PCDHA2: variants seen among roughly 807,000 people sequenced by gnomAD.
PCDHA2 encodes the protein protocadherin alpha-2.
Under a neutral mutation model 66.0 loss-of-function variants are expected in PCDHA2, and 58 were observed. The observed-to-expected ratio is 0.88, with a 90% CI of 0.71 to 1.09. The LOEUF (loss-of-function observed/expected upper bound fraction) is 1.09. Among genes scored for constraint, PCDHA2 ranks in the 50% least tolerant of loss-of-function variants. The pLI, the probability that PCDHA2 is intolerant of heterozygous loss-of-function variation, is 0.00. For missense variants in PCDHA2, 1,267 were observed against 1,242.3 expected (o/e 1.02, Z -0.30); for synonymous variants, 634 against 554.0 (o/e 1.14, Z -2.03).
At chr5:140,835,589 G>T (rs2150238885) in intron 1 of PCDHA2, 2 of 1,613,920 alleles carry the variant, frequency 1.2e-6, no homozygotes, top group South Asian at 1.1e-5. Flanking sequence ...CCACCTTCAA[G>T]AATTACTATT....
At chr5:140,808,990 G>A (rs2879087) in intron 1 of PCDHA2, 28 of 1,613,530 alleles carry the variant, frequency 1.7e-5, no homozygotes, top group South Asian at 8.8e-5. Flanking sequence ...ATGCTGACTC[G>A]GGCTACAACG....
chr5:140,928,570 C>A (rs2085340367), intron 1 of PCDHA2: 1 of 1,614,196 alleles, frequency 6.2e-7, no homozygotes, highest in South Asian at 1.1e-5. Flanking sequence ...GTTTCCCTTG[C>A]CCAGAAATGG....
At chr5:140,849,947 G>C in intron 1 of PCDHA2, 1 of 1,597,838 alleles carries the variant, frequency 6.3e-7, no homozygotes, top group East Asian at 2.2e-5. Context: ...ACGCTGACGC[G>C]CAGGAGAACG....
intron 1 of PCDHA2, chr5:140,877,093 G>T (rs2056846978): frequency 6.2e-7 from 1 of 1,613,178 alleles, no homozygotes; most frequent in African/African-American, 1.3e-5. Context: ...GCGCGACGCC[G>T]GCGTGCCGCC....
At chr5:140,883,466 A>G (rs782104317) in intron 1 of PCDHA2, 43 of 1,614,010 alleles carry the variant, frequency 2.7e-5, no homozygotes, top group Non-Finnish European at 3.5e-5. Context: ...GCTGGTGTCC[A>G]CCTACAAGAA....
At chr5:140,830,235 T>A in intron 1 of PCDHA2, 3 of 1,613,922 alleles carry the variant, frequency 1.9e-6, no homozygotes, top group Non-Finnish European at 2.5e-6. Flanking sequence ...GTCCTCACGC[T>A]ACTGCTGTAC....
intron 1 of PCDHA2, chr5:140,829,979 G>A (rs2150179079): frequency 5.6e-6 from 9 of 1,614,004 alleles, no homozygotes; most frequent in Non-Finnish European, 7.6e-6. Flanking sequence ...GTACACGGGC[G>A]AGATCAGCAC....
chr5:140,871,625 A>C (rs1360108001), intron 1 of PCDHA2: 1 of 1,403,018 alleles, frequency 7.1e-7, no homozygotes, highest in Non-Finnish European at 9.4e-7. Context: ...TTAGATAACA[A>C]TGTCTGTTCA....
chr5:140,836,814 A>G (rs1264836284), intron 1 of PCDHA2: 2 of 1,218,204 alleles, frequency 1.6e-6, no homozygotes, highest in African/African-American at 1.5e-5. Flanking sequence ...TTTCTTTCAT[A>G]ATTTCTTTTT....
At chr5:140,966,925 A>T in intron 1 of PCDHA2, 8 of 1,603,462 alleles carry the variant, frequency 5.0e-6, no homozygotes, top group African/African-American at 1.3e-5. Context: ...AGGAGCAGGC[A>T]CCCGGCGCGC....
rs144694616 is a variant in PCDHA2, at chr5:140,836,586, G to T, written c.2388+39234G>T. ...GTCCTCTGAGGGCGCATGTAGTTTG[G>T]TAAAGCCCACTCTGGTGTGCTCCAG... On this transcript the variant is annotated intron_variant, in intron 1 of 3. Coordinates refer to ENST00000526136, the MANE Select transcript of PCDHA2 (RefSeq NM_018905.3). The T allele has an allele frequency of 5.6e-6, 9 of 1,613,634 alleles. No homozygotes were observed. The Admixed American group carries it at 1.3e-4, about 24-fold the overall frequency.
In PCDHA2 at chr5:140,928,114, A is replaced by C. The variant is rs200013855; in HGVS notation, c.2389-50835A>C. ...TGATGGGCCCCTGGACCGGGAGCAG[A>C]TCAGTGAATACCAAGTCCTGATCAC... On this transcript the variant is annotated intron_variant, in intron 1 of 3. Coordinates refer to ENST00000526136, the MANE Select transcript of PCDHA2 (RefSeq NM_018905.3). 280 of 1,614,088 alleles carry C rather than the reference A, an allele frequency of 1.7e-4. No individual in the cohort carries two copies. Among genetic ancestry groups the C allele is most frequent in the Middle Eastern group, 6.6e-4 (4 of 6,084 alleles).
At chr5:140,858,024 C>T (rs782656168) in intron 1 of PCDHA2, 4 of 1,596,582 alleles carry the variant, frequency 2.5e-6, no homozygotes, top group African/African-American at 1.3e-5. Context: ...CCGTCGCTGA[C>T]GGCCACGGCC....
chr5:140,854,692 A>G (rs1554147391), intron 1 of PCDHA2: 1 of 150,100 alleles, frequency 6.7e-6, no homozygotes, highest in African/African-American at 2.4e-5. Flanking sequence ...TCTGTTGTTA[A>G]GTTTTCCTTT....
chr5:140,809,044 C>T (rs782371963), intron 1 of PCDHA2: 1 of 1,613,900 alleles, frequency 6.2e-7, no homozygotes, highest in South Asian at 1.1e-5. Flanking sequence ...GTGGCGCGCG[C>T]ATCCCGTTCC....
At chr5:140,920,136 C>T (rs1554199437) in intron 1 of PCDHA2, among the ~76,000 whole-genome samples, 1 of 152,182 alleles carries the variant, frequency 6.6e-6, no homozygotes, top group African/African-American at 2.4e-5. Flanking sequence ...TTTAATTCTC[C>T]TCTCCAAACC....
chr5:140,944,743 T>A (rs1307968034), intron 1 of PCDHA2, among the ~76,000 whole-genome samples: 2 of 152,238 alleles, frequency 1.3e-5, no homozygotes, highest in East Asian at 3.8e-4. Flanking sequence ...TCTGAGCATT[T>A]ACATGGAAAA....
chr5:140,917,948 A>G (rs1382859222), intron 1 of PCDHA2, among the ~76,000 whole-genome samples: 2 of 151,868 alleles, frequency 1.3e-5, no homozygotes, highest in Admixed American at 1.3e-4. Flanking sequence ...TGGTAGTTTG[A>G]TAGGAACATC....
chr5:140,919,231 C>T (rs984376374), intron 1 of PCDHA2, among the ~76,000 whole-genome samples: 1 of 152,160 alleles, frequency 6.6e-6, no homozygotes, highest in Admixed American at 6.6e-5. Context: ...TCTAGTAACA[C>T]TTTTTGTCTT....
Sources: gnomAD v4.1 joint callset for allele counts (sites outside exome capture counted in the v4.1 genomes callset) on GRCh38, gnomAD v4.1.1 for gene constraint, MANE v1.5 for transcripts, NCBI Gene and HGNC (gene_info 2026-07-23, HGNC 2026-07-21) for gene names.